SCGB2A2: variants seen among roughly 807,000 people sequenced by gnomAD.
SCGB2A2 encodes secretoglobin family 2A member 2, also known as mammaglobin-A.
A neutral mutation model predicts 8.8 loss-of-function variants in SCGB2A2; 11 were observed. The ratio of observed to expected loss-of-function variants is 1.25; its 90% CI spans 0.79 to 2.07. The LOEUF (loss-of-function observed/expected upper bound fraction) is 2.07, where lower values mean the gene tolerates loss of function less well. Among genes scored for constraint, SCGB2A2 ranks in the 30% most tolerant of loss-of-function variants. SCGB2A2 has a pLI of 0.00. For missense variants in SCGB2A2, 113 were observed against 109.9 expected (o/e 1.03, Z -0.13); for synonymous variants, 42 against 40.9 (o/e 1.03, Z -0.10).
Position 62,270,644 on chromosome 11 carries a change from T to C in SCGB2A2, c.56-237T>C, listed in dbSNP as rs76883614. On this transcript the variant is annotated intron_variant, in intron 1 of 2. Transcript: ENST00000227918. The stretch of plus-strand genomic sequence containing the variant: ...TCATTTCTCAAGTCTTCTCATTAAA[T>C]GAAGTTTCATGAGGTTTAGCTTTTC... Among the ~76,000 whole-genome samples the C allele has an allele frequency of 4.9e-4, 74 of 152,362 alleles. 1 individual carries two copies. In the East Asian group the frequency reaches 0.014, roughly 29 times the overall value.
At chr11:62,272,493 G>A (rs990200397) in intron 2 of SCGB2A2, among the ~76,000 whole-genome samples, 1 of 152,150 alleles carries the variant, frequency 6.6e-6, no homozygotes, top group African/African-American at 2.4e-5. Context: ...AGGGAAGGGT[G>A]ATGGATTTGT....
rs146064984 is a variant in SCGB2A2 at position 62,270,976 on chromosome 11, G to A, written c.151G>A (p.Asp51Asn). 411 of 1,613,970 alleles carry A rather than the reference G, an allele frequency of 2.5e-4. No individual in the cohort carries two copies. Among genetic ancestry groups the A allele is most frequent in the Non-Finnish European group, 3.2e-4 (383 of 1,179,942 alleles). Reference sequence around the variant, plus strand: ...CAAAGAACTTCTTCAAGAGTTCATAGACGACAATGCCACTACAAATGCCAT... The same window carrying A: ...CAAAGAACTTCTTCAAGAGTTCATAAACGACAATGCCACTACAAATGCCAT... ...EYKELLQEFIDDNATTNAIDE... is the reference protein window; with the variant it reads ...EYKELLQEFINDNATTNAIDE... Residue 51 changes from aspartate to asparagine, a missense_variant, in exon 2 of 3, where the codon GAC (aspartate) becomes AAC (asparagine). Physicochemically the swap from Asp to Asn is conservative, Grantham distance 23. Coordinates refer to ENST00000227918, the MANE Select transcript of SCGB2A2 (RefSeq NM_002411.4).
At chr11:62,270,754 A>T in intron 1 of SCGB2A2, 127 bp from the exon 2 acceptor site, 1 of 719,266 alleles carries the variant, frequency 1.4e-6, no homozygotes, top group Non-Finnish European at 2.3e-6. Context: ...TGAGAACTCT[A>T]GATTCTGCAT....
At chr11:62,272,647 C>CTTTTTTTTTT (rs71886885) in intron 2 of SCGB2A2, among the ~76,000 whole-genome samples, 8 of 94,458 alleles carry the variant, frequency 8.5e-5, no homozygotes, top group Non-Finnish European at 1.4e-4. Flanking sequence ...CAAAGTTTCA[C>CTTTTTTTTTT]TTTTTTTTTT....
At chr11:62,271,365 A>G in intron 2 of SCGB2A2, 1 of 1,435,000 alleles carries the variant, frequency 7.0e-7, no homozygotes, top group Middle Eastern at 2.6e-4. Flanking sequence ...ATGCTCACAA[A>G]CACAGACACA....
intron 2 of SCGB2A2, chr11:62,271,492 C>T: frequency 1.6e-6 from 2 of 1,253,042 alleles, no homozygotes; most frequent in Non-Finnish European, 2.0e-6. Flanking sequence ...GACAGACAGG[C>T]AAAGACACAG....
intron 2 of SCGB2A2, 186 bp downstream of exon 2, chr11:62,271,254 A>C (rs1590673481): frequency 1.3e-6 from 2 of 1,481,512 alleles, no homozygotes; most frequent in Non-Finnish European, 1.8e-6. Flanking sequence ...CTGTGTTGTC[A>C]CTCTACCCAG....
Position 62,270,293 on chromosome 11 carries a change from C to T in SCGB2A2, c.55+22C>T, listed in dbSNP as rs1296726894. On this transcript the variant is annotated intron_variant, in intron 1 of 2. Coordinates refer to ENST00000227918, the MANE Select transcript of SCGB2A2 (RefSeq NM_002411.4). ...GCAGGTGAGTTCTGTGCAGGGAGGG[C>T]TGCCTCGGGGTTAGGGGTTGTCACT... is the stretch of plus-strand genomic sequence containing the variant. 3 of 1,611,644 alleles carry T rather than the reference C, an allele frequency of 1.9e-6. No homozygotes were observed. In the South Asian group the frequency reaches 3.3e-5, roughly 18 times the overall value.
At chr11:62,271,169 C>T (rs752579301) in intron 2 of SCGB2A2, 101 bp downstream of exon 2, 28 of 1,601,470 alleles carry the variant, frequency 1.7e-5, no homozygotes, top group Non-Finnish European at 2.3e-5. Context: ...AGTGAACAAG[C>T]CTTTTCTTAC....
At chr11:62,271,092 G>T in intron 2 of SCGB2A2, 24 bp downstream of exon 2, 1 of 1,613,850 alleles carries the variant, frequency 6.2e-7, no homozygotes, top group Non-Finnish European at 8.5e-7. Flanking sequence ...CTTCCTATAA[G>T]CTTTTTAAAT....
At chr11:62,272,381 G>T (rs1012281454) in intron 2 of SCGB2A2, among the ~76,000 whole-genome samples, 4 of 152,092 alleles carry the variant, frequency 2.6e-5, no homozygotes, top group Admixed American at 2.0e-4. Context: ...ACAACCACAC[G>T]AATATACAGA....
intron 2 of SCGB2A2, chr11:62,271,419 G>A: frequency 7.1e-7 from 1 of 1,399,044 alleles, no homozygotes; most frequent in South Asian, 1.7e-5. Flanking sequence ...CCAGACACAT[G>A]CAAACACACA....
At chr11:62,272,301 A>AG (rs1945285941) in intron 2 of SCGB2A2, among the ~76,000 whole-genome samples, 1 of 151,430 alleles carries the variant, frequency 6.6e-6, no homozygotes, top group Admixed American at 6.6e-5. Context: ...GCAGAGAAGA[A>AG]GGGGGAGTCA....
chr11:62,270,187 C>T lies in SCGB2A2; in HGVS notation c.-30C>T, dbSNP rs201668191. Reference sequence around the variant, plus strand: ...CGGCTTCCTTGATCCTTGCCACCCGCGACTGAACACCGACAGCAGCAGCCT... The same window carrying T: ...CGGCTTCCTTGATCCTTGCCACCCGTGACTGAACACCGACAGCAGCAGCCT... On this transcript the variant is annotated 5_prime_UTR_variant, in exon 1 of 3. Coordinates refer to ENST00000227918, the MANE Select transcript of SCGB2A2 (RefSeq NM_002411.4). 14 of 1,612,638 alleles carry T rather than the reference C, an allele frequency of 8.7e-6. No homozygotes were observed. Among genetic ancestry groups the T allele is most frequent in the East Asian group, 2.2e-5 (1 of 44,864 alleles).
intron 1 of SCGB2A2, 88 bp from the exon 2 acceptor site, chr11:62,270,793 G>A (rs1945270903): frequency 1.1e-6 from 1 of 928,884 alleles, no homozygotes; most frequent in African/African-American, 1.7e-5. Context: ...ATTCTCTTGG[G>A]CTGTAAGAAG....
intron 2 of SCGB2A2, chr11:62,271,595 A>G: frequency 5.8e-6 from 6 of 1,043,336 alleles, no homozygotes; most frequent in Non-Finnish European, 6.9e-6. Flanking sequence ...AAACACAGAG[A>G]CACACACAAA....
chr11:62,271,576 C>T (rs1945279456), intron 2 of SCGB2A2: 1 of 1,064,038 alleles, frequency 9.4e-7, no homozygotes, highest in South Asian at 3.8e-5. Flanking sequence ...CAGAACCACA[C>T]AACCACAGAA....
At position 62,273,052 on chromosome 11, in the gene SCGB2A2, G is replaced by C; in HGVS notation, c.*57G>C. On this transcript the variant is annotated 3_prime_UTR_variant, in exon 3 of 3. Transcript: ENST00000227918. ...CAGGGTATGGTGAGAAACCAACTAC[G>C]GATTGCTGCAAACCACACCTTCTCT... 1 of 1,297,804 alleles carries C rather than the reference G, an allele frequency of 7.7e-7. No homozygotes were observed. Among genetic ancestry groups the C allele is most frequent in the South Asian group, 1.3e-5 (1 of 74,574 alleles). The allele number at this position is 1,297,804 out of a possible 1,614,324, so 80.4% of individuals were successfully genotyped here. A position where few individuals can be genotyped will look rare whatever the true frequency, so the allele number is the denominator to read the frequency against.
At chr11:62,272,841 G>A (rs545021776) in intron 2 of SCGB2A2, 116 bp from the exon 3 acceptor site, 8 of 647,982 alleles carry the variant, frequency 1.2e-5, no homozygotes, top group South Asian at 1.2e-4. Context: ...CTAACCGTCT[G>A]GGATGCTAGA....
Sources: gnomAD v4.1 joint callset for allele counts (sites outside exome capture counted in the v4.1 genomes callset) on GRCh38, gnomAD v4.1.1 for gene constraint, MANE v1.5 for transcripts, NCBI Gene and HGNC (gene_info 2026-07-23, HGNC 2026-07-21) for gene names.